PRELID2: variants seen among roughly 807,000 people sequenced by gnomAD.
PRELID2 encodes PRELI domain containing 2.
In PRELID2, 25 loss-of-function variants were observed where a neutral mutation model predicts 28.4. That is an observed-to-expected ratio of 0.88 (90% CI 0.64 to 1.23). PRELID2 has a LOEUF of 1.23. Ranked by LOEUF, PRELID2 falls within the 50% of genes most tolerant of loss-of-function variation. The pLI, the probability that PRELID2 is intolerant of heterozygous loss-of-function variation, is 0.00. For synonymous variants in PRELID2, 76 were observed against 71.6 expected (o/e 1.06, Z -0.31); for missense variants, 201 against 214.4 (o/e 0.94, Z 0.39).
At chr5:145,312,613 G>C in the PRELID2 span, among the ~76,000 whole-genome samples, 1 of 152,064 alleles carries the variant, frequency 6.6e-6, no homozygotes, top group Non-Finnish European at 1.5e-5. Context: ...TACAGTATTT[G>C]TCTTCCTGTG....
the PRELID2 span, among the ~76,000 whole-genome samples, chr5:145,358,627 A>C: frequency 6.6e-6 from 1 of 152,186 alleles, no homozygotes; most frequent in Non-Finnish European, 1.5e-5. Context: ...AAGCCAAAGA[A>C]GAAAAAGGTC....
At chr5:145,559,471 G>A (rs922035307) in intron 1 of PRELID2, among the ~76,000 whole-genome samples, 2 of 151,784 alleles carry the variant, frequency 1.3e-5, no homozygotes, top group African/African-American at 2.4e-5. Context: ...AGTCTTTTTT[G>A]TTTAAAATAT....
At chr5:145,718,320 C>A (rs907448412) in intron 1 of PRELID2, among the ~76,000 whole-genome samples, 1 of 151,690 alleles carries the variant, frequency 6.6e-6, no homozygotes, top group African/African-American at 2.4e-5. Context: ...ATAAAATAAG[C>A]AACAAACTAT....
chr5:145,534,649 T>A (rs1385050259), intron 1 of PRELID2, among the ~76,000 whole-genome samples: 2 of 152,038 alleles, frequency 1.3e-5, no homozygotes, highest in Non-Finnish European at 1.5e-5. Flanking sequence ...TCAACCTACC[T>A]AAATTAAACA....
At chr5:145,344,124 T>A in the PRELID2 span, among the ~76,000 whole-genome samples, 20 of 151,906 alleles carry the variant, frequency 1.3e-4, no homozygotes, top group Non-Finnish European at 2.8e-4. Context: ...TCCAAAAAAT[T>A]TAACAGGAAA....
chr5:145,554,498 T>C (rs1752864014), intron 1 of PRELID2, among the ~76,000 whole-genome samples: 1 of 152,166 alleles, frequency 6.6e-6, no homozygotes, highest in African/African-American at 2.4e-5. Context: ...CAGTGGCTAA[T>C]GGCAAAGAGA....
chr5:145,570,858 T>A (rs62392712), intron 1 of PRELID2, among the ~76,000 whole-genome samples: 3,785 of 152,272 alleles, frequency 0.025, 71 homozygotes, highest in African/African-American at 0.051. Flanking sequence ...AAGCTCCCCA[T>A]CTTATTGAGA....
At chr5:145,289,007 A>T in the PRELID2 span, among the ~76,000 whole-genome samples, 1 of 152,112 alleles carries the variant, frequency 6.6e-6, no homozygotes, top group African/African-American at 2.4e-5. Context: ...TTAAGATTTC[A>T]CCCATTACAA....
At chr5:145,373,858 T>C in the PRELID2 span, among the ~76,000 whole-genome samples, 477 of 97,396 alleles carry the variant, frequency 4.9e-3, 6 homozygotes, top group African/African-American at 0.018. Flanking sequence ...TATGATATTA[T>C]ATATTACAAC....
the PRELID2 span, among the ~76,000 whole-genome samples, chr5:145,239,392 C>T: frequency 1.3e-5 from 2 of 151,900 alleles, no homozygotes; most frequent in Non-Finnish European, 2.9e-5. Context: ...GATATTGTCT[C>T]CTGGGATAAA....
the PRELID2 span, among the ~76,000 whole-genome samples, chr5:145,340,388 C>G: frequency 6.6e-6 from 1 of 152,176 alleles, no homozygotes; most frequent in Non-Finnish European, 1.5e-5. Flanking sequence ...ATCACACCAG[C>G]TGCCCAGTGG....
Position 145,823,094 on chromosome 5 carries a change from A to AT in PRELID2, c.115dup (p.Ile39AsnfsTer8). On this transcript the variant is annotated frameshift_variant, in exon 2 of 7. Transcript: ENST00000683046. LOFTEE classifies it high-confidence loss of function. The stretch of plus-strand genomic sequence containing the variant: ...GAACTTACCTCTTTTTTCCTCCATG[A>AT]TTTTTACTGAGATGACATTTTTATC... The AT allele has an allele frequency of 6.5e-7, 1 of 1,531,150 alleles. No homozygotes were observed. Among genetic ancestry groups the AT allele is most frequent in the Non-Finnish European group, 9.0e-7 (1 of 1,105,030 alleles). 94.8% of individuals were successfully genotyped at this position (1,531,150 alleles called of 1,614,324 possible).
chr5:145,645,514 G>A (rs1170491266), intron 1 of PRELID2, among the ~76,000 whole-genome samples: 1 of 151,856 alleles, frequency 6.6e-6, no homozygotes, highest in Non-Finnish European at 1.5e-5. Flanking sequence ...CTTTTAATTG[G>A]AGCATTTAGC....
chr5:145,561,229 T>C (rs950012816), intron 1 of PRELID2, among the ~76,000 whole-genome samples: 3 of 152,198 alleles, frequency 2.0e-5, no homozygotes, highest in African/African-American at 7.2e-5. Context: ...AGAAAATTCT[T>C]TGAATGCAAA....
chr5:145,371,073 A>T, the PRELID2 span, among the ~76,000 whole-genome samples: 1 of 151,872 alleles, frequency 6.6e-6, no homozygotes, highest in Non-Finnish European at 1.5e-5. Flanking sequence ...AGACAATTTG[A>T]CCTCCTCTCT....
the PRELID2 span, among the ~76,000 whole-genome samples, chr5:145,296,254 A>T: frequency 6.6e-6 from 1 of 151,664 alleles, no homozygotes; most frequent in Non-Finnish European, 1.5e-5. Flanking sequence ...GGTTAGTTAC[A>T]TATGTATACA....
the PRELID2 span, among the ~76,000 whole-genome samples, chr5:145,434,298 C>G: frequency 6.6e-6 from 1 of 152,194 alleles, no homozygotes; most frequent in Admixed American, 6.5e-5. Context: ...CAAACATCCT[C>G]ATTCATTCCA....
chr5:145,301,057 A>G, the PRELID2 span, among the ~76,000 whole-genome samples: 1 of 152,026 alleles, frequency 6.6e-6, no homozygotes, highest in African/African-American at 2.4e-5. Flanking sequence ...TTTGCCTAAC[A>G]ATATATCCAA....
chr5:145,514,627 T>C (rs1346454426), intron 1 of PRELID2, among the ~76,000 whole-genome samples: 1 of 152,186 alleles, frequency 6.6e-6, no homozygotes, highest in Non-Finnish European at 1.5e-5. Flanking sequence ...GGACTTGAAC[T>C]CAGCTCTGGA....
Sources: gnomAD v4.1 joint callset for allele counts (sites outside exome capture counted in the v4.1 genomes callset) on GRCh38, gnomAD v4.1.1 for gene constraint, MANE v1.5 for transcripts, NCBI Gene and HGNC (gene_info 2026-07-23, HGNC 2026-07-21) for gene names.